The following OR2T33 variants were observed in gnomAD, a reference collection of about 807,000 sequenced individuals.
The protein encoded by OR2T33 is olfactory receptor family 2 subfamily T member 33, also known as olfactory receptor 2T33.
A neutral mutation model predicts 14.0 loss-of-function variants in OR2T33; 10 were observed. The observed-to-expected ratio is 0.72, with a 90% confidence interval of 0.44 to 1.22. The LOEUF (loss-of-function observed/expected upper bound fraction) is 1.22, where lower values mean the gene tolerates loss of function less well. Among genes scored for constraint, OR2T33 ranks in the 50% most tolerant of loss-of-function variants. The pLI, the probability that OR2T33 is intolerant of heterozygous loss-of-function variation, is 0.00. For synonymous variants in OR2T33, 103 were observed against 159.4 expected, an observed-to-expected ratio of 0.65 and a Z score of 2.66; for missense variants, 276 against 405.9, an observed-to-expected ratio of 0.68 and a Z score of 2.75.
rs750088456 is a variant in OR2T33 at position 248,273,779 on chromosome 1, G to A, written c.36C>T (p.Leu12=). 2 of 1,613,026 alleles carry A rather than the reference G, an allele frequency of 1.2e-6. No homozygotes were observed. Among genetic ancestry groups the A allele is most frequent in the East Asian group, 4.5e-5 (2 of 44,864 alleles). ...CTCTGGTGTGGTTAAAGAGTCCTAGGAGAATAAAATCTGGGGTAGTATTTC... is the reference window on the plus strand; with the variant it reads ...CTCTGGTGTGGTTAAAGAGTCCTAGAAGAATAAAATCTGGGGTAGTATTTC... The part of the protein sequence containing the change: ...EMRNTTPDFI[L]LGLFNHTRAH... The change falls in exon 2 of 2, where the codon CTC becomes CTT. Residue 12 remains leucine (L), a synonymous_variant. Coordinates refer to ENST00000641220, the MANE Select transcript of OR2T33 (RefSeq NM_001004695.2).
rs1237396672 is a variant in OR2T33, at chr1:248,270,272, G to C, written c.*2580C>G. Reference sequence around the variant, plus strand: ...CATCACACACCGGGGCCTGTTGTGGGGTGGGGGAAGCGGGGAGGGATAGCA... The same window carrying C: ...CATCACACACCGGGGCCTGTTGTGGCGTGGGGGAAGCGGGGAGGGATAGCA... On this transcript the variant is annotated 3_prime_UTR_variant, in exon 2 of 2. Transcript: ENST00000641220. The C allele has an allele frequency of 6.6e-6, 1 of 152,174 alleles. No individual in the cohort carries two copies. The highest frequency in any genetic ancestry group is 1.5e-5 in the Non-Finnish European group (1 of 68,074). The allele number at this position is 152,174 out of a possible 1,614,324, so 9.4% of individuals were successfully genotyped here.
chr1:248,272,975 G>T lies in OR2T33; in HGVS notation c.840C>A (p.Thr280=), dbSNP rs752733945. ...KVVSAFYTMF[T]PLLNPLIYSV... is the part of the protein sequence containing the mutation. ...TGTAGATGAGGGGGTTTAGTAAAGG[G>T]GTGAACATAGTATAGAAGGCTGACA... The change falls in exon 2 of 2, where the codon ACC becomes ACA. Residue 280 remains threonine (T), a synonymous_variant. Transcript: ENST00000641220. The T allele has an allele frequency of 1.2e-6, 2 of 1,614,068 alleles. No individual in the cohort carries two copies. The highest frequency in any genetic ancestry group is 1.7e-6 in the Non-Finnish European group (2 of 1,180,026).
rs1299322650 is a variant in OR2T33, at chr1:248,273,398, G to A, written c.417C>T (p.Cys139=). ...GCCAACACGACATGGTCATCCTCAG[G>A]CACAGCTGCCAGCTCATGAGAGTGG... ...RYPTLMSWQL[C]LRMTMSCWLL... is the part of the protein sequence containing the mutation. The change falls in exon 2 of 2, where the codon TGC becomes TGT. Residue 139 remains cysteine, a synonymous_variant. Transcript: ENST00000641220. 2 of 1,612,406 alleles carry A rather than the reference G, an allele frequency of 1.2e-6. No individual in the cohort carries two copies. Among genetic ancestry groups the A allele is most frequent in the Admixed American group, 3.3e-5 (2 of 60,024 alleles).
chr1:248,275,797 G>T (rs1659440806), intron 1 of OR2T33, among the ~76,000 whole-genome samples: 2 of 151,476 alleles, frequency 1.3e-5, no homozygotes, highest in Non-Finnish European at 2.9e-5. Context: ...GTGTACCATT[G>T]CTGGTATGTG....
rs1233373954 is a variant in OR2T33, at chr1:248,270,533, G to T, written c.*2319C>A. 9 of 152,180 alleles carry T rather than the reference G, an allele frequency of 5.9e-5. No homozygotes were observed. The highest frequency in any genetic ancestry group is 5.9e-4 in the Admixed American group (9 of 15,274). The allele number at this position is 152,180 out of a possible 1,614,324, so 9.4% of individuals were successfully genotyped here. On this transcript the variant is annotated 3_prime_UTR_variant, in exon 2 of 2. Transcript: ENST00000641220. Reference sequence around the variant, plus strand: ...AGAGACCAAATGCAGATTGGCAGTTGCTAGGGGCTGAAATGGGGAGAAAAA... The same window carrying T: ...AGAGACCAAATGCAGATTGGCAGTTTCTAGGGGCTGAAATGGGGAGAAAAA...
At position 248,271,969 on chromosome 1, in the gene OR2T33, C is replaced by A. The variant is rs554613913; in HGVS notation, c.*883G>T. 6.6e-6 allele frequency: 1 copy of A among 152,126 alleles called. No individual in the cohort carries two copies. The highest frequency in any genetic ancestry group is 1.5e-5 in the Non-Finnish European group (1 of 67,992). 9.4% of individuals were successfully genotyped at this position (152,126 alleles called of 1,614,324 possible). Reference sequence around the variant, plus strand: ...TGTCCCAAATTTTTCAACAGAAATACCTCTAATTACCTATGTCTTGGCAGA... The same window carrying A: ...TGTCCCAAATTTTTCAACAGAAATAACTCTAATTACCTATGTCTTGGCAGA... On this transcript the variant is annotated 3_prime_UTR_variant, in exon 2 of 2. Coordinates refer to ENST00000641220, the MANE Select transcript of OR2T33 (RefSeq NM_001004695.2).
Position 248,271,551 on chromosome 1 carries a change from A to T in OR2T33, c.*1301T>A, listed in dbSNP as rs535867674. 2 of 152,198 alleles carry T rather than the reference A, an allele frequency of 1.3e-5. No homozygotes were observed. Among genetic ancestry groups the T allele is most frequent in the East Asian group, 1.9e-4 (1 of 5,198 alleles). The allele number at this position is 152,198 out of a possible 1,614,324, so 9.4% of individuals were successfully genotyped here. A position where few individuals can be genotyped will look rare whatever the true frequency, so the allele number is the denominator to read the frequency against. The stretch of plus-strand genomic sequence containing the variant: ...AGGATCTGCATGCACTGGTTAAGGT[A>T]CTATCTTAAATATATTACTGCTTTG... On this transcript the variant is annotated 3_prime_UTR_variant, in exon 2 of 2. Transcript: ENST00000641220.
At position 248,271,627 on chromosome 1, in the gene OR2T33, C is replaced by T. The variant is rs1051309708; in HGVS notation, c.*1225G>A. The T allele has an allele frequency of 6.6e-6, 1 of 152,174 alleles. No homozygotes were observed. Among genetic ancestry groups the T allele is most frequent in the Non-Finnish European group, 1.5e-5 (1 of 68,018 alleles). The allele number at this position is 152,174 out of a possible 1,614,324, so 9.4% of individuals were successfully genotyped here. Reference sequence around the variant, plus strand: ...AAAACTCCTTTCATTTGTTCTAAAACAAGTCCCTTTTGAAATTCAGGATGG... The same window carrying T: ...AAAACTCCTTTCATTTGTTCTAAAATAAGTCCCTTTTGAAATTCAGGATGG... On this transcript the variant is annotated 3_prime_UTR_variant, in exon 2 of 2. Transcript: ENST00000641220.
Position 248,273,748 on chromosome 1 carries a change from G to C in OR2T33, c.67C>G (p.Gln23Glu), listed in dbSNP as rs994906818. 6.2e-7 allele frequency: 1 copy of C among 1,613,802 alleles called. No individual in the cohort carries two copies. The highest frequency in any genetic ancestry group is 1.3e-5 in the African/African-American group (1 of 75,034). ...CTCAGAACCATCATGAAGAGGACTT[G>C]GTGGGCTCTGGTGTGGTTAAAGAGT... Reference protein sequence around the residue: ...LGLFNHTRAHQVLFMMVLSIV... With the variant: ...LGLFNHTRAHEVLFMMVLSIV... Residue 23 changes from glutamine (Q) to glutamate (E), a missense_variant, in exon 2 of 2, where the codon CAA becomes GAA. Transcript: ENST00000641220.
intron 1 of OR2T33, among the ~76,000 whole-genome samples, chr1:248,274,076 A>AT (rs964636455): frequency 6.6e-6 from 1 of 152,060 alleles, no homozygotes; most frequent in Non-Finnish European, 1.5e-5. Flanking sequence ...GAATAAAAAT[A>AT]TTTTTTCAAC....
intron 1 of OR2T33, 49 bp from the exon 2 acceptor site, chr1:248,273,871 G>C (rs202148481): frequency 1.0e-4 from 163 of 1,564,572 alleles, no homozygotes; most frequent in Middle Eastern, 2.0e-4. Context: ...AGGCTTTTAT[G>C]GTCTGAATAA....
chr1:248,275,732 C>T (rs1268941941), intron 1 of OR2T33, among the ~76,000 whole-genome samples: 8 of 84,290 alleles, frequency 9.5e-5, no homozygotes, highest in Admixed American at 2.8e-4. Flanking sequence ...TGCAGAGAAG[C>T]ACCAAAAAAA....
At chr1:248,276,804 G>A (rs1330957404) in intron 1 of OR2T33, among the ~76,000 whole-genome samples, 1 of 152,074 alleles carries the variant, frequency 6.6e-6, no homozygotes, top group East Asian at 1.9e-4. Flanking sequence ...TTTAACTGTA[G>A]TAATTCTTCT....
intron 1 of OR2T33, among the ~76,000 whole-genome samples, chr1:248,275,637 T>C (rs953563532): frequency 1.3e-5 from 2 of 151,536 alleles, no homozygotes; most frequent in Non-Finnish European, 2.9e-5. Flanking sequence ...CCATCGCGCG[T>C]GTATACCTGT....
chr1:248,274,435 T>C (rs1384513089), intron 1 of OR2T33, among the ~76,000 whole-genome samples: 1 of 152,204 alleles, frequency 6.6e-6, no homozygotes, highest in Non-Finnish European at 1.5e-5. Flanking sequence ...ACCTTCTTAG[T>C]TGTCTTACTG....
Position 248,272,000 on chromosome 1 carries a change from G to C in OR2T33, c.*852C>G, listed in dbSNP as rs1357336339. 5 of 152,250 alleles carry C rather than the reference G, an allele frequency of 3.3e-5. No homozygotes were observed. The highest frequency in any genetic ancestry group is 1.2e-4 in the African/African-American group (5 of 41,560). 9.4% of individuals were successfully genotyped at this position (152,250 alleles called of 1,614,324 possible). ...ATTACCTATGTCTTGGCAGAAGTAA[G>C]GTGGTGACACAATAATGTATAAGGT... is the stretch of plus-strand genomic sequence containing the variant. On this transcript the variant is annotated 3_prime_UTR_variant, in exon 2 of 2. Coordinates refer to ENST00000641220, the MANE Select transcript of OR2T33 (RefSeq NM_001004695.2).
intron 1 of OR2T33, among the ~76,000 whole-genome samples, chr1:248,275,060 G>C (rs560185899): frequency 6.6e-6 from 1 of 152,272 alleles, no homozygotes; most frequent in Non-Finnish European, 1.5e-5. Flanking sequence ...AGAGCACAAA[G>C]AGGCAAAGAG....
In OR2T33 at chr1:248,272,735, T is replaced by A; in HGVS notation, c.*117A>T. The A allele has an allele frequency of 7.6e-7, 1 of 1,310,182 alleles. No individual in the cohort carries two copies. The highest frequency in any genetic ancestry group is 1.1e-6 in the Non-Finnish European group (1 of 951,114). The allele number at this position is 1,310,182 out of a possible 1,614,324, so 81.2% of individuals were successfully genotyped here. The stretch of plus-strand genomic sequence containing the variant: ...AATTAGCTCACTTAATTCTTAAAAA[T>A]ATCCTATTATATCAATGCAAAAACT... On this transcript the variant is annotated 3_prime_UTR_variant, in exon 2 of 2. Transcript: ENST00000641220.
At position 248,272,878 on chromosome 1, in the gene OR2T33, G is replaced by A; in HGVS notation, c.937C>T (p.Gln313Ter). ...CATCTTGACCTGTGGGCCTCATTTTGCTGGTGTTTTATGTTTACACACGTC... is the reference window on the plus strand; with the variant it reads ...CATCTTGACCTGTGGGCCTCATTTTACTGGTGTTTTATGTTTACACACGTC... ...LGTCVNIKHQ[Q>*]NEAHRSR Residue 313 changes from glutamine (Q) to a stop codon, truncating the protein, a stop_gained, in exon 2 of 2, where the codon CAA becomes TAA. Coordinates refer to ENST00000641220, the MANE Select transcript of OR2T33 (RefSeq NM_001004695.2). LOFTEE classifies it high-confidence loss of function. 2 of 1,613,184 alleles carry A rather than the reference G, an allele frequency of 1.2e-6. No homozygotes were observed. Among genetic ancestry groups the A allele is most frequent in the African/African-American group, 1.3e-5 (1 of 74,930 alleles).
Sources: allele counts gnomAD v4.1 joint callset (sites outside exome capture counted in the v4.1 genomes callset), GRCh38; gene constraint gnomAD v4.1.1; transcripts MANE v1.5; gene names NCBI Gene and HGNC (gene_info 2026-07-23, HGNC 2026-07-21).